Variants in MARCHF1 observed in about 807,000 individuals in gnomAD.
MARCHF1 encodes the protein membrane associated ring-CH-type finger 1.
A neutral mutation model predicts 54.2 loss-of-function variants in MARCHF1; 40 were observed. The observed-to-expected ratio is 0.74, with a 90% CI of 0.57 to 0.96. The LOEUF is 0.96. Ranked by LOEUF, MARCHF1 falls within the 40% of genes least tolerant of loss-of-function variation. The probability of loss-of-function intolerance (pLI) is 0.00; values close to 1 mark genes in which losing one functional copy is unlikely to be tolerated. For synonymous variants in MARCHF1, 236 were observed against 236.3 expected, an observed-to-expected ratio of 1.00 and a Z score of 0.01; for missense variants, 586 against 656.5, an observed-to-expected ratio of 0.89 and a Z score of 1.17.
At chr4:163,744,824 GAAAAT>G (rs1256092211) in intron 4 of MARCHF1, among the ~76,000 whole-genome samples, 16 of 151,902 alleles carry the variant, frequency 1.1e-4, no homozygotes, top group Admixed American at 2.6e-4. Flanking sequence ...CAGTAAAATT[GAAAAT>G]AAAATAGAGC....
chr4:163,727,314 CTTT>C (rs35283708), intron 4 of MARCHF1, among the ~76,000 whole-genome samples: 68 of 143,700 alleles, frequency 4.7e-4, no homozygotes, highest in African/African-American at 1.6e-3. Context: ...TCTTTTTTTT[CTTT>C]TTTTTTTTTT....
chr4:163,888,783 A>T (rs35373180), intron 3 of MARCHF1, among the ~76,000 whole-genome samples: 58,150 of 151,934 alleles, frequency 0.38, 12,569 homozygotes, highest in Middle Eastern at 0.55. Flanking sequence ...TTTGGTTGGC[A>T]GCCAGAGGTC....
intron 4 of MARCHF1, among the ~76,000 whole-genome samples, chr4:163,831,167 C>A (rs1373070826): frequency 6.6e-6 from 1 of 152,090 alleles, no homozygotes; most frequent in Non-Finnish European, 1.5e-5. Flanking sequence ...GTTTTCTGCA[C>A]TGAACCCTTA....
intron 7 of MARCHF1, among the ~76,000 whole-genome samples, chr4:163,592,081 A>G (rs1221371352): frequency 6.6e-6 from 1 of 152,196 alleles, no homozygotes; most frequent in Non-Finnish European, 1.5e-5. Flanking sequence ...ACGAAGATAA[A>G]TATCCTAAGC....
intron 2 of MARCHF1, among the ~76,000 whole-genome samples, chr4:164,105,160 G>T (rs1016235158): frequency 9.6e-6 from 1 of 104,252 alleles, no homozygotes; most frequent in Admixed American, 1.0e-4. Context: ...TGGGTAGGAA[G>T]AATCAATATC....
At chr4:163,742,759 C>T (rs1019251148) in intron 4 of MARCHF1, among the ~76,000 whole-genome samples, 2 of 152,038 alleles carry the variant, frequency 1.3e-5, no homozygotes, top group African/African-American at 2.4e-5. Context: ...ATTATGGGTA[C>T]GCCCAGTACT....
At chr4:164,223,034 T>C (rs531166204) in intron 1 of MARCHF1, among the ~76,000 whole-genome samples, 2 of 152,068 alleles carry the variant, frequency 1.3e-5, no homozygotes, top group East Asian at 3.9e-4. Context: ...GAACTACCAT[T>C]TATAAAACCA....
At chr4:163,964,002 T>C (rs559058030) in intron 3 of MARCHF1, among the ~76,000 whole-genome samples, 8 of 152,012 alleles carry the variant, frequency 5.3e-5, no homozygotes, top group African/African-American at 1.4e-4. Context: ...AAATTGTTGG[T>C]TGTTTTACTT....
At chr4:164,283,738 A>G (rs1734080693) in intron 1 of MARCHF1, among the ~76,000 whole-genome samples, 1 of 151,034 alleles carries the variant, frequency 6.6e-6, no homozygotes, top group Admixed American at 6.7e-5. Context: ...CAGAGTCATT[A>G]AACAATCTCG....
intron 2 of MARCHF1, among the ~76,000 whole-genome samples, chr4:164,009,531 TG>T (rs757296703): frequency 1.3e-5 from 2 of 152,122 alleles, no homozygotes; most frequent in Non-Finnish European, 2.9e-5. Context: ...TTAACCTAGA[TG>T]CAAAGTTCTC....
chr4:163,901,809 T>A (rs979491489), intron 3 of MARCHF1, among the ~76,000 whole-genome samples: 5 of 152,200 alleles, frequency 3.3e-5, no homozygotes, highest in African/African-American at 1.2e-4. Flanking sequence ...ACTGAAGCAC[T>A]CATTTCAGGA....
intron 7 of MARCHF1, among the ~76,000 whole-genome samples, chr4:163,608,335 G>T (rs1305527640): frequency 6.6e-6 from 1 of 151,986 alleles, no homozygotes; most frequent in Non-Finnish European, 1.5e-5. Context: ...TCTTGAAAGG[G>T]GTAGGTCTGA....
intron 4 of MARCHF1, among the ~76,000 whole-genome samples, chr4:163,719,366 T>A (rs1745368979): frequency 1.3e-5 from 2 of 152,206 alleles, no homozygotes; most frequent in Admixed American, 6.5e-5. Context: ...GAACTCATCC[T>A]TTTTTGTGAC....
intron 1 of MARCHF1, among the ~76,000 whole-genome samples, chr4:164,265,495 G>C (rs1733588144): frequency 8.4e-6 from 1 of 119,590 alleles, no homozygotes; most frequent in South Asian, 2.5e-4. Flanking sequence ...GGAATACTGA[G>C]TAGCTGGGAC....
chr4:163,994,394 C>T (rs1753027165), intron 2 of MARCHF1, among the ~76,000 whole-genome samples: 1 of 151,342 alleles, frequency 6.6e-6, no homozygotes, highest in Non-Finnish European at 1.5e-5. Context: ...CTCTGGGGTC[C>T]TCAGAAACCC....
At chr4:163,798,224 C>CTT (rs1343381402) in intron 4 of MARCHF1, among the ~76,000 whole-genome samples, 1 of 152,168 alleles carries the variant, frequency 6.6e-6, no homozygotes, top group African/African-American at 2.4e-5. Flanking sequence ...CTCTCTCTCT[C>CTT]TTCCCTCCAG....
At chr4:163,919,951 C>A (rs945516087) in intron 3 of MARCHF1, among the ~76,000 whole-genome samples, 2 of 152,160 alleles carry the variant, frequency 1.3e-5, no homozygotes, top group East Asian at 3.8e-4. Context: ...CTTGCTCCTC[C>A]TCCTCATTAG....
chr4:164,306,468 C>G (rs1021041462), intron 1 of MARCHF1, among the ~76,000 whole-genome samples: 5 of 152,114 alleles, frequency 3.3e-5, no homozygotes, highest in African/African-American at 1.2e-4. Context: ...TCATCAACCT[C>G]TTGCTCAAAA....
intron 5 of MARCHF1, among the ~76,000 whole-genome samples, chr4:163,632,293 G>A (rs1255806783): frequency 6.6e-6 from 1 of 152,218 alleles, no homozygotes; most frequent in Non-Finnish European, 1.5e-5. Flanking sequence ...CAGCCTGAGC[G>A]ACGCAGAAGA....
Sources: allele counts gnomAD v4.1 joint callset (sites outside exome capture counted in the v4.1 genomes callset), GRCh38; gene constraint gnomAD v4.1.1; transcripts MANE v1.5; gene names NCBI Gene and HGNC (gene_info 2026-07-23, HGNC 2026-07-21).